Variants in E2F3 observed in about 807,000 individuals in gnomAD.
The protein encoded by E2F3 is E2F transcription factor 3.
In E2F3, 11 loss-of-function variants were observed where a neutral mutation model predicts 44.4. That is an observed-to-expected ratio of 0.25 (90% confidence interval 0.16 to 0.41). The LOEUF is 0.41. Among genes scored for constraint, E2F3 ranks in the 10% least tolerant of loss-of-function variants. The probability of loss-of-function intolerance (pLI) is 1.00; values close to 1 mark genes in which losing one functional copy is unlikely to be tolerated. For missense variants in E2F3, 487 were observed against 583.6 expected (o/e 0.83, Z 1.70); for synonymous variants, 249 against 253.0 (o/e 0.98, Z 0.15).
At chr6:20,408,719 C>G (rs1025967619) in intron 1 of E2F3, among the ~76,000 whole-genome samples, 3 of 151,794 alleles carry the variant, frequency 2.0e-5, no homozygotes, top group Non-Finnish European at 4.4e-5. Context: ...TATGTCAGCT[C>G]GAGGTAGAAA....
chr6:20,486,349 T>C (rs1762391539), intron 4 of E2F3, among the ~76,000 whole-genome samples: 1 of 152,214 alleles, frequency 6.6e-6, no homozygotes, highest in Admixed American at 6.5e-5. Context: ...CTCGTCTCAC[T>C]GCAAGCTCCA....
intron 1 of E2F3, among the ~76,000 whole-genome samples, chr6:20,417,455 A>G (rs1331791176): frequency 6.6e-6 from 1 of 152,358 alleles, no homozygotes; most frequent in South Asian, 2.1e-4. Flanking sequence ...AATAGAATCC[A>G]AAATCTTAAG....
intron 1 of E2F3, among the ~76,000 whole-genome samples, chr6:20,443,615 G>T (rs1411659486): frequency 2.0e-5 from 3 of 151,832 alleles, no homozygotes; most frequent in African/African-American, 4.8e-5. Flanking sequence ...CACGCCTGTA[G>T]TCTTAGTTAC....
intron 1 of E2F3, among the ~76,000 whole-genome samples, chr6:20,436,719 G>T (rs1427162720): frequency 6.6e-6 from 1 of 152,162 alleles, no homozygotes; most frequent in Non-Finnish European, 1.5e-5. Context: ...ATGAGAACAC[G>T]CTGCCTGGGA....
At chr6:20,472,448 A>T (rs1761924100) in intron 1 of E2F3, among the ~76,000 whole-genome samples, 1 of 152,058 alleles carries the variant, frequency 6.6e-6, no homozygotes, top group South Asian at 2.1e-4. Flanking sequence ...ACACTTTGGG[A>T]GGCTGAGGTA....
chr6:20,474,672 A>G (rs1761992305), intron 1 of E2F3, among the ~76,000 whole-genome samples: 1 of 152,232 alleles, frequency 6.6e-6, no homozygotes. Flanking sequence ...CACCCGCACT[A>G]TTTAAATCCT....
At chr6:20,480,139 A>G in intron 2 of E2F3, 182 bp downstream of exon 2, 3 of 858,814 alleles carry the variant, frequency 3.5e-6, no homozygotes, top group Non-Finnish European at 4.2e-6. Flanking sequence ...GAAAGGCTAC[A>G]GAGTCACACT....
chr6:20,475,476 G>A (rs1762015329), intron 1 of E2F3, among the ~76,000 whole-genome samples: 1 of 152,098 alleles, frequency 6.6e-6, no homozygotes, highest in South Asian at 2.1e-4. Context: ...TAGGAGTTCT[G>A]GGTCCCAGAC....
chr6:20,482,610 A>C (rs943660162), intron 3 of E2F3, 152 bp from the exon 4 acceptor site: 3 of 202,940 alleles, frequency 1.5e-5, no homozygotes, highest in Non-Finnish European at 2.8e-5. Context: ...ATATATATAT[A>C]TATATATATA....
chr6:20,409,400 C>T (rs548066676), intron 1 of E2F3, among the ~76,000 whole-genome samples: 24 of 152,288 alleles, frequency 1.6e-4, no homozygotes, highest in Admixed American at 1.4e-3. Flanking sequence ...GCAAATTTGT[C>T]TTCTGTGGTT....
rs561307755 is a variant in E2F3 at position 20,460,242 on chromosome 6, A to C, written c.394-19604A>C. Among the ~76,000 whole-genome samples, 5 of 152,070 alleles carry C rather than the reference A, an allele frequency of 3.3e-5. No homozygotes were observed. The East Asian group carries it at 9.6e-4, about 29-fold the overall frequency. ...CTTTGTTTTTATTCTATTTTCACCA[A>C]TTTTACAAATGAATTACACAGATTA... On this transcript the variant is annotated intron_variant, in intron 1 of 6. Transcript: ENST00000346618.
intron 1 of E2F3, among the ~76,000 whole-genome samples, chr6:20,453,517 T>C (rs1761204961): frequency 6.6e-6 from 1 of 152,038 alleles, no homozygotes; most frequent in Non-Finnish European, 1.5e-5. Flanking sequence ...TGTGCTCAGG[T>C]GATTCTCTTG....
Position 20,443,323 on chromosome 6 carries a change from A to C in E2F3, c.394-36523A>C, listed in dbSNP as rs186491246. Among the ~76,000 whole-genome samples the C allele has an allele frequency of 4.7e-4, 72 of 152,338 alleles. 1 individual carries two copies. Among genetic ancestry groups the C allele is most frequent in the African/African-American group, 1.2e-3 (49 of 41,582 alleles). The stretch of plus-strand genomic sequence containing the variant: ...TTCCCTGTGCCTTCCTATTTACAAA[A>C]GACACAGTTTCTTGACCTGAAATCC... On this transcript the variant is annotated intron_variant, in intron 1 of 6. Transcript: ENST00000346618.
intron 1 of E2F3, among the ~76,000 whole-genome samples, chr6:20,425,451 C>A (rs1181763712): frequency 6.6e-6 from 1 of 150,940 alleles, no homozygotes; most frequent in African/African-American, 2.4e-5. Flanking sequence ...TGCAGTGGCA[C>A]GATCTTGGCT....
At chr6:20,406,141 A>G (rs1467357568) in intron 1 of E2F3, among the ~76,000 whole-genome samples, 1 of 152,194 alleles carries the variant, frequency 6.6e-6, no homozygotes, top group Non-Finnish European at 1.5e-5. Context: ...AAGAATATCT[A>G]AGGACTTAAC....
chr6:20,425,366 C>T (rs1035785806), intron 1 of E2F3, among the ~76,000 whole-genome samples: 1 of 150,792 alleles, frequency 6.6e-6, no homozygotes, highest in Admixed American at 6.6e-5. Flanking sequence ...GAGCTGTGCG[C>T]ACAACCCCAG....
At chr6:20,434,203 T>G (rs926635117) in intron 1 of E2F3, among the ~76,000 whole-genome samples, 9 of 152,164 alleles carry the variant, frequency 5.9e-5, no homozygotes, top group African/African-American at 1.7e-4. Context: ...CTAAATTCAC[T>G]TGTGGCAAGA....
chr6:20,482,142 T>C (rs1386034045), intron 3 of E2F3, among the ~76,000 whole-genome samples: 1 of 152,204 alleles, frequency 6.6e-6, no homozygotes, highest in Non-Finnish European at 1.5e-5. Flanking sequence ...ATACCTTTTT[T>C]TGCACATTTT....
At chr6:20,429,166 G>A (rs1335723915) in intron 1 of E2F3, among the ~76,000 whole-genome samples, 2 of 152,174 alleles carry the variant, frequency 1.3e-5, no homozygotes, top group East Asian at 1.9e-4. Flanking sequence ...AGGTTAACAA[G>A]TCTTGCTCTC....
Sources: gnomAD v4.1 joint callset for allele counts (sites outside exome capture counted in the v4.1 genomes callset) on GRCh38, gnomAD v4.1.1 for gene constraint, MANE v1.5 for transcripts, NCBI Gene and HGNC (gene_info 2026-07-23, HGNC 2026-07-21) for gene names.